NDRG3: variants seen among roughly 807,000 people sequenced by gnomAD.
NDRG3 encodes the protein NDRG family member 3.
Under a neutral mutation model 57.2 loss-of-function variants are expected in NDRG3, and 23 were observed. The observed-to-expected ratio is 0.40, with a 90% CI of 0.29 to 0.57. The LOEUF (loss-of-function observed/expected upper bound fraction) is 0.57. NDRG3 is among the 20% of genes least tolerant of loss of function. The pLI is 0.42. For synonymous variants in NDRG3, 132 were observed against 162.6 expected (o/e 0.81, Z 1.43); for missense variants, 384 against 457.3 (o/e 0.84, Z 1.46).
intron 1 of NDRG3, 36 bp downstream of exon 1, chr20:36,745,987 ACGCCCCCGAATGCGGCGCCGCG>A (rs1986172530): frequency 3.6e-6 from 1 of 277,028 alleles, no homozygotes. Flanking sequence ...CAAAGGAGCG[ACGCCCCCGAATGCGGCGCCGCG>A]CGCCCCCCGC....
chr20:36,707,092 G>T, intron 2 of NDRG3, 85 bp from the exon 3 acceptor site: 1 of 1,222,254 alleles, frequency 8.2e-7, no homozygotes, highest in African/African-American at 1.5e-5. Context: ...AGTGACAGCA[G>T]TGCATGTGCA....
chr20:36,732,922 G>A (rs1221093590), intron 1 of NDRG3, among the ~76,000 whole-genome samples: 1 of 151,646 alleles, frequency 6.6e-6, no homozygotes, highest in African/African-American at 2.4e-5. Context: ...CAAGGAGGGT[G>A]GATTGCTTGA....
intron 13 of NDRG3, among the ~76,000 whole-genome samples, chr20:36,657,180 G>A (rs1477844740): frequency 6.6e-6 from 1 of 152,084 alleles, no homozygotes; most frequent in Non-Finnish European, 1.5e-5. Flanking sequence ...TAGGTTTGGG[G>A]TATGGTTCGA....
At position 36,660,384 on chromosome 20, in the gene NDRG3, C is replaced by T; in HGVS notation, c.811G>A (p.Val271Ile). The T allele has an allele frequency of 6.2e-7, 1 of 1,604,892 alleles. No homozygotes were observed. Among genetic ancestry groups the T allele is most frequent in the Non-Finnish European group, 8.5e-7 (1 of 1,174,518 alleles). ...GDNSPAVEAV[V>I]ECNSRLNPIN... Reference sequence around the variant, plus strand: ...GGGTTCAGGCGGGAATTGCATTCGACCTAAAATTTAAAAAAAGAGAAGAAA... The same window carrying T: ...GGGTTCAGGCGGGAATTGCATTCGATCTAAAATTTAAAAAAAGAGAAGAAA... Residue 271 changes from valine (V) to isoleucine (I), a missense_variant and splice_region_variant, in exon 13 of 16, where the codon GTC becomes ATC. Physicochemically the swap from Val to Ile is conservative, Grantham distance 29. Coordinates refer to ENST00000349004, the MANE Select transcript of NDRG3 (RefSeq NM_032013.4).
chr20:36,728,058 A>T (rs80251684), intron 1 of NDRG3, among the ~76,000 whole-genome samples: 1 of 143,236 alleles, frequency 7.0e-6, no homozygotes, highest in Non-Finnish European at 1.5e-5. Context: ...TAGGGAAAGG[A>T]TTTTTTTTTT....
At chr20:36,715,762 T>C (rs1388213437) in intron 2 of NDRG3, among the ~76,000 whole-genome samples, 2 of 151,168 alleles carry the variant, frequency 1.3e-5, no homozygotes, top group Non-Finnish European at 2.9e-5. Context: ...ACCCAGGTGG[T>C]AGAGACTGCA....
At chr20:36,716,572 A>G (rs1984292592) in intron 2 of NDRG3, among the ~76,000 whole-genome samples, 1 of 151,428 alleles carries the variant, frequency 6.6e-6, no homozygotes, top group South Asian at 2.1e-4. Context: ...TTTCTACTGT[A>G]ACAACCAAAA....
At chr20:36,733,696 C>T (rs576014941) in intron 1 of NDRG3, among the ~76,000 whole-genome samples, 1 of 142,480 alleles carries the variant, frequency 7.0e-6, no homozygotes, top group Admixed American at 7.1e-5. Flanking sequence ...GACTCCATCT[C>T]AAAAAAAAAA....
chr20:36,666,709 T>C (rs1179903433), intron 9 of NDRG3, among the ~76,000 whole-genome samples: 2 of 152,218 alleles, frequency 1.3e-5, no homozygotes, highest in Non-Finnish European at 2.9e-5. Context: ...CTGCCATTCT[T>C]CACAAAAACA....
intron 1 of NDRG3, among the ~76,000 whole-genome samples, chr20:36,732,850 T>G: frequency 6.6e-6 from 1 of 151,962 alleles, no homozygotes. Flanking sequence ...TTTCAAGCAC[T>G]TAAAAACATT....
At chr20:36,685,628 T>G (rs1019961841) in intron 5 of NDRG3, among the ~76,000 whole-genome samples, 5 of 152,160 alleles carry the variant, frequency 3.3e-5, no homozygotes, top group Non-Finnish European at 7.3e-5. Flanking sequence ...TTTATTGTAT[T>G]TGAATTTGGT....
chr20:36,740,658 C>T (rs935777774), intron 1 of NDRG3, among the ~76,000 whole-genome samples: 7 of 152,136 alleles, frequency 4.6e-5, no homozygotes, highest in African/African-American at 1.7e-4. Context: ...TTTTTATTTA[C>T]AACTGATAAA....
At chr20:36,693,105 AATATATATATATATATATATATAT>A (rs1290033865) in intron 3 of NDRG3, among the ~76,000 whole-genome samples, 23 of 25,858 alleles carry the variant, frequency 8.9e-4, no homozygotes, top group African/African-American at 3.1e-3. Flanking sequence ...AAAAAAAAAA[AATATATATATATATATATATATAT>A]ATATATATAT....
Position 36,656,416 on chromosome 20 carries a change from G to C in NDRG3, c.895-5C>G. The C allele has an allele frequency of 6.2e-7, 1 of 1,614,124 alleles. No individual in the cohort carries two copies. Among genetic ancestry groups the C allele is most frequent in the Non-Finnish European group, 8.5e-7 (1 of 1,180,034 alleles). ...GGCCTCGGTGAGCTTCCCAGGCTGG[G>C]GGGATAAAACAAGAGGGCATTAATT... On this transcript the variant is annotated splice_polypyrimidine_tract_variant and splice_region_variant and intron_variant, in intron 14 of 15. Coordinates refer to ENST00000349004, the MANE Select transcript of NDRG3 (RefSeq NM_032013.4).
intron 1 of NDRG3, among the ~76,000 whole-genome samples, chr20:36,722,981 G>A (rs1984686012): frequency 6.6e-6 from 1 of 152,220 alleles, no homozygotes; most frequent in African/African-American, 2.4e-5. Context: ...CGAGGCCCAT[G>A]TGGAGAGGAA....
chr20:36,661,110 G>T (rs1458378311), intron 12 of NDRG3, among the ~76,000 whole-genome samples: 1 of 151,992 alleles, frequency 6.6e-6, no homozygotes, highest in Non-Finnish European at 1.5e-5. Flanking sequence ...ACTAAGCCCT[G>T]GGCACCTCCC....
chr20:36,656,471 G>C (rs1330807865), intron 14 of NDRG3, 26 bp downstream of exon 14: 10 of 1,613,940 alleles, frequency 6.2e-6, no homozygotes, highest in Non-Finnish European at 8.5e-6. Context: ...AGAATTAAAT[G>C]GGTGTTTAAA....
chr20:36,738,693 T>TGG (rs1568676355), intron 1 of NDRG3, among the ~76,000 whole-genome samples: 1 of 148,018 alleles, frequency 6.8e-6, no homozygotes, highest in Non-Finnish European at 1.5e-5. Context: ...TGTGGTGGCA[T>TGG]GCACCTGTAA....
intron 8 of NDRG3, among the ~76,000 whole-genome samples, chr20:36,672,478 GA>G (rs1980255927): frequency 6.6e-6 from 1 of 152,152 alleles, no homozygotes; most frequent in African/African-American, 2.4e-5. Context: ...AAAGACTGAG[GA>G]AGAAAGAAGT....
Sources: gnomAD v4.1 joint callset for allele counts (sites outside exome capture counted in the v4.1 genomes callset) on GRCh38, gnomAD v4.1.1 for gene constraint, MANE v1.5 for transcripts, NCBI Gene and HGNC (gene_info 2026-07-23, HGNC 2026-07-21) for gene names.